The following UNK variants were observed in gnomAD, a reference collection of about 807,000 sequenced individuals.
UNK encodes the protein unk zinc finger.
UNK carries 32 observed loss-of-function variants against 97.6 expected under a neutral mutation model. That is an observed-to-expected ratio of 0.33 (90% CI 0.25 to 0.44). The LOEUF (loss-of-function observed/expected upper bound fraction) is 0.44. UNK is among the 20% of genes least tolerant of loss of function. The pLI is 1.00. For synonymous variants in UNK, 441 were observed against 461.2 expected, an observed-to-expected ratio of 0.96 and a Z score of 0.56; for missense variants, 771 against 1,098.4, an observed-to-expected ratio of 0.70 and a Z score of 4.21.
In UNK at chr17:75,812,196, G is replaced by C; in HGVS notation, c.399G>C (p.Glu133Asp). ...ACAAAACTGGAATCTGCATCCACGA[G>C]ACAGACTCGAAAGGCAACTGCACCA... ...RYYKTGICIH[E>D]TDSKGNCTKN... The change falls in exon 3 of 16, where the codon GAG (glutamate) becomes GAC (aspartate). Residue 133 changes from glutamate (E) to aspartate (D), a missense_variant. Physicochemically the swap from Glu to Asp is conservative, Grantham distance 45 (BLOSUM62 2). Coordinates refer to ENST00000589666, the MANE Select transcript of UNK (RefSeq NM_001080419.3). The C allele has an allele frequency of 1.9e-6, 3 of 1,614,060 alleles. No homozygotes were observed. The highest frequency in any genetic ancestry group is 2.2e-5 in the East Asian group (1 of 44,864).
At chr17:75,809,658 C>T (rs2061950444) in intron 1 of UNK, 102 bp from the exon 2 acceptor site, 1 of 1,302,536 alleles carries the variant, frequency 7.7e-7, no homozygotes. Flanking sequence ...ACTAGCACCC[C>T]AGAGCAGGGC....
chr17:75,818,259 T>C lies in UNK; in HGVS notation c.1371+91T>C. 6.9e-7 allele frequency: 1 copy of C among 1,449,792 alleles called. No homozygotes were observed. Among genetic ancestry groups the C allele is most frequent in the Non-Finnish European group, 9.5e-7 (1 of 1,053,420 alleles). 89.8% of individuals were successfully genotyped at this position (1,449,792 alleles called of 1,614,324 possible). A position where few individuals can be genotyped will look rare whatever the true frequency, so the allele number is the denominator to read the frequency against. ...GCTTCGGGGAGTGGGAGGCACCACT[T>C]TTCCCAAAAGCTGAGGGCAGGACTA... On this transcript the variant is annotated intron_variant, in intron 10 of 15. Transcript: ENST00000589666. The surrounding 1 kb of genome is among the most constrained non-coding windows in gnomAD (Gnocchi z 5.1).
intron 14 of UNK, 123 bp from the exon 15 acceptor site, chr17:75,823,142 C>T (rs967799276): frequency 6.9e-7 from 1 of 1,451,860 alleles, no homozygotes; most frequent in African/African-American, 1.4e-5. Context: ...TTGCCCTCCT[C>T]CCAGAGAGCC....
intron 5 of UNK, 114 bp from the exon 6 acceptor site, chr17:75,813,647 C>G (rs1255058312): frequency 1.1e-6 from 1 of 891,998 alleles, no homozygotes; most frequent in South Asian, 1.7e-5. Flanking sequence ...GACTCTGCAG[C>G]TGGTCTTTTC....
Position 75,824,116 on chromosome 17 carries a change from C to A in UNK, c.2278-146C>A. 9.8e-7 allele frequency: 1 copy of A among 1,019,144 alleles called. No homozygotes were observed. Among genetic ancestry groups the A allele is most frequent in the Non-Finnish European group, 1.3e-6 (1 of 743,780 alleles). 63.1% of individuals were successfully genotyped at this position (1,019,144 alleles called of 1,614,324 possible). On this transcript the variant is annotated intron_variant, in intron 15 of 15. Coordinates refer to ENST00000589666, the MANE Select transcript of UNK (RefSeq NM_001080419.3). This position sits in a 1 kb window ranked among gnomAD's most constrained non-coding sequence, Gnocchi z 4.9. ...AGGTGGACTCAGCCTGCTCTCTCAC[C>A]TGCCAACAGGGGTCTGGGAGCACAC...
chr17:75,823,331 T>C lies in UNK; in HGVS notation c.2086T>C (p.Cys696Arg). Residue 696 changes from cysteine to arginine, a missense_variant, in exon 15 of 16, where the codon TGC becomes CGC. This residue lies in a region of UNK where 208 missense variants were observed against 257.4 expected (regional missense o/e 0.81). Coordinates refer to ENST00000589666, the MANE Select transcript of UNK (RefSeq NM_001080419.3). The stretch of plus-strand genomic sequence containing the variant: ...GCGGGCCAGTGCGGCGGGCGCCGAG[T>C]GCGAGCTGGCCCGGGAGCAGCGGGA... ...GERASAAGAE[C>R]ELAREQRDAL... 2 of 1,610,674 alleles carry C rather than the reference T, an allele frequency of 1.2e-6. No homozygotes were observed. Among genetic ancestry groups the C allele is most frequent in the African/African-American group, 1.3e-5 (1 of 74,956 alleles).
At position 75,824,363 on chromosome 17, in the gene UNK, G is replaced by A; in HGVS notation, c.2379G>A (p.Glu793=). ...CTGCGCTGTGTGAGCTCTGCGCTGAGGGCAGCGAGTGCCCCATCTGCCAGC... is the reference window on the plus strand; with the variant it reads ...CTGCGCTGTGTGAGCTCTGCGCTGAAGGCAGCGAGTGCCCCATCTGCCAGC... ...QHAALCELCA[E]GSECPICQPG... The change falls in exon 16 of 16, where the codon GAG becomes GAA. Residue 793 remains glutamate (E), a synonymous_variant. Transcript: ENST00000589666. The surrounding 1 kb of genome is among the most constrained non-coding windows in gnomAD (Gnocchi z 4.9). The A allele has an allele frequency of 6.3e-7, 1 of 1,583,128 alleles. No homozygotes were observed. The highest frequency in any genetic ancestry group is 8.6e-7 in the Non-Finnish European group (1 of 1,167,102).
chr17:75,812,108 C>G lies in UNK; in HGVS notation c.315-4C>G, dbSNP rs142240551. 14 of 1,592,658 alleles carry G rather than the reference C, an allele frequency of 8.8e-6. No individual in the cohort carries two copies. The East Asian group carries it at 3.1e-4, about 36-fold the overall frequency. ...GTTGAGTGACCCCCACTACCGTGTT[C>G]CAGGTGCCCATTCCTGCACAGAACC... is the stretch of plus-strand genomic sequence containing the variant. On this transcript the variant is annotated splice_polypyrimidine_tract_variant and splice_region_variant and intron_variant, in intron 2 of 15. Coordinates refer to ENST00000589666, the MANE Select transcript of UNK (RefSeq NM_001080419.3).
At position 75,816,187 on chromosome 17, in the gene UNK, C is replaced by T. The variant is rs1159820248; in HGVS notation, c.962-583C>T. Among the ~76,000 whole-genome samples the T allele has an allele frequency of 2.6e-5, 4 of 152,268 alleles. No homozygotes were observed. The highest frequency in any genetic ancestry group is 1.9e-4 in the East Asian group (1 of 5,180). The stretch of plus-strand genomic sequence containing the variant: ...GGATCCTCAGCATGATACTGTAGGC[C>T]GCCACCAGTCTCAGAGACAGAGCTC... On this transcript the variant is annotated intron_variant, in intron 7 of 15. Coordinates refer to ENST00000589666, the MANE Select transcript of UNK (RefSeq NM_001080419.3). This position sits in a 1 kb window ranked among gnomAD's most constrained non-coding sequence, Gnocchi z 4.0.
At chr17:75,813,665 G>T in intron 5 of UNK, 96 bp from the exon 6 acceptor site, 1 of 1,051,250 alleles carries the variant, frequency 9.5e-7, no homozygotes, top group Non-Finnish European at 1.4e-6. Flanking sequence ...TTCCATTTCT[G>T]TGCTCATGCC....
At chr17:75,791,634 CGTTAAGT>C (rs2061764786) in intron 1 of UNK, 1 of 620,828 alleles carries the variant, frequency 1.6e-6, no homozygotes, top group Non-Finnish European at 2.0e-6. Context: ...ACAAAATCCC[CGTTAAGT>C]GTTAAGTGCC....
chr17:75,816,903 C>T lies in UNK; in HGVS notation c.1095C>T (p.Asp365=). The T allele has an allele frequency of 6.2e-7, 1 of 1,603,546 alleles. No individual in the cohort carries two copies. Among genetic ancestry groups the T allele is most frequent in the Non-Finnish European group, 8.5e-7 (1 of 1,178,732 alleles). The part of the protein sequence containing the change: ...PVSPSSPHAP[D]LSALLCRNSS... Reference sequence around the variant, plus strand: ...GCCCCTCCAGCCCGCATGCCCCTGACCTCAGTGCCGTACGTGTCCATCCTG... The same window carrying T: ...GCCCCTCCAGCCCGCATGCCCCTGATCTCAGTGCCGTACGTGTCCATCCTG... The change falls in exon 8 of 16, where the codon GAC becomes GAT. Residue 365 remains aspartate, a synonymous_variant. Transcript: ENST00000589666. The surrounding 1 kb of genome is among the most constrained non-coding windows in gnomAD (Gnocchi z 4.0).
At chr17:75,813,563 A>G (rs1045985890) in intron 5 of UNK, among the ~76,000 whole-genome samples, 198 bp from the exon 6 acceptor site, 6 of 152,206 alleles carry the variant, frequency 3.9e-5, no homozygotes, top group African/African-American at 1.4e-4. Context: ...AGGGGAATCA[A>G]ACAGTATCCT....
At chr17:75,820,200 C>G (rs1383405646) in intron 13 of UNK, 92 bp downstream of exon 13, 1 of 1,379,110 alleles carries the variant, frequency 7.3e-7, no homozygotes, top group Non-Finnish European at 9.9e-7. Context: ...GGCATATCAG[C>G]TAGGCTGGGG....
intron 1 of UNK, among the ~76,000 whole-genome samples, chr17:75,809,325 A>G (rs1052313188): frequency 1.3e-5 from 2 of 152,226 alleles, no homozygotes; most frequent in Non-Finnish European, 2.9e-5. Flanking sequence ...GCCCCAGCTC[A>G]TGGTACAGGC....
chr17:75,812,020 C>A, intron 2 of UNK, 92 bp from the exon 3 acceptor site: 1 of 1,409,550 alleles, frequency 7.1e-7, no homozygotes, highest in Non-Finnish European at 9.6e-7. Context: ...ACAACAACAA[C>A]AACAAAAACA....
Position 75,818,213 on chromosome 17 carries a change from A to G in UNK, c.1371+45A>G, listed in dbSNP as rs937620108. 1.9e-6 allele frequency: 3 copies of G among 1,608,386 alleles called. No homozygotes were observed. The highest frequency in any genetic ancestry group is 2.6e-6 in the Non-Finnish European group (3 of 1,176,324). On this transcript the variant is annotated intron_variant, in intron 10 of 15. Transcript: ENST00000589666. The surrounding 1 kb of genome is among the most constrained non-coding windows in gnomAD (Gnocchi z 5.1). ...CTTCCTCCCCTCTGCTGTGGACAGG[A>G]GTGGCCCAGAACCCCAGGAGGCTTC...
intron 1 of UNK, 154 bp downstream of exon 1, chr17:75,785,138 C>CCCAACTGCCT (rs1318255626): frequency 2.4e-5 from 13 of 548,668 alleles, no homozygotes; most frequent in East Asian, 1.4e-4. Context: ...TGGGGCCGGT[C>CCCAACTGCCT]CCAACTGCCT....
chr17:75,794,714 G>C (rs1018719241), intron 1 of UNK, among the ~76,000 whole-genome samples: 1 of 152,162 alleles, frequency 6.6e-6, no homozygotes. Context: ...CACCACCTGG[G>C]TTTGAGGCCC....
Sources: allele counts gnomAD v4.1 joint callset (sites outside exome capture counted in the v4.1 genomes callset), GRCh38; gene constraint gnomAD v4.1.1; regional missense constraint gnomAD v4.1.1; non-coding constraint Gnocchi (gnomAD v3.1); transcripts MANE v1.5; gene names NCBI Gene and HGNC (gene_info 2026-07-23, HGNC 2026-07-21).